The following ITFG1 variants were observed in gnomAD, a reference collection of about 807,000 sequenced individuals.
The protein encoded by ITFG1 is T-cell immunomodulatory protein.
In ITFG1, 34 loss-of-function variants were observed where a neutral mutation model predicts 81.8. The ratio of observed to expected loss-of-function variants is 0.42; its 90% CI spans 0.32 to 0.55. The LOEUF (loss-of-function observed/expected upper bound fraction) is 0.55. Ranked by LOEUF, ITFG1 falls within the 20% of genes least tolerant of loss-of-function variation. The pLI is 0.17. For synonymous variants in ITFG1, 285 were observed against 270.6 expected, an observed-to-expected ratio of 1.05 and a Z score of -0.52; for missense variants, 672 against 755.4, an observed-to-expected ratio of 0.89 and a Z score of 1.29.
In ITFG1 at chr16:47,396,524, T is replaced by TGTGTGTGTGTGTG. The variant is rs1555514103; in HGVS notation, c.656-20585_656-20584insCACACACACACAC. Among the ~76,000 whole-genome samples, 1,094 of 149,188 alleles carry TGTGTGTGTGTGTG rather than the reference T, an allele frequency of 7.3e-3. 25 individuals are homozygous for TGTGTGTGTGTGTG. Among genetic ancestry groups the TGTGTGTGTGTGTG allele is most frequent in the African/African-American group, 0.026 (1,036 of 40,264 alleles). On this transcript the variant is annotated intron_variant, in intron 6 of 17. Coordinates refer to ENST00000320640, the MANE Select transcript of ITFG1 (RefSeq NM_030790.5). ...ACAGTCTCCTAACCTAATAATTATT[T>TGTGTGTGTGTGTG]TGTGTGTGTGTGTGTGTGTGAAAGA...
intron 10 of ITFG1, chr16:47,262,999 C>G (rs972422141): frequency 5.4e-6 from 1 of 186,192 alleles, no homozygotes; most frequent in Non-Finnish European, 1.2e-5. Context: ...AACCCCTACC[C>G]GAAGCCATCA....
At chr16:47,372,633 T>C (rs1968272211) in intron 7 of ITFG1, among the ~76,000 whole-genome samples, 1 of 151,964 alleles carries the variant, frequency 6.6e-6, no homozygotes, top group Non-Finnish European at 1.5e-5. Flanking sequence ...TTTGTATTTT[T>C]AGTAGAGATG....
chr16:47,400,783 T>G (rs939673019), intron 6 of ITFG1, among the ~76,000 whole-genome samples: 1 of 152,086 alleles, frequency 6.6e-6, no homozygotes, highest in Admixed American at 6.6e-5. Flanking sequence ...GTAAGCTCCA[T>G]GTGGCGGGAG....
At chr16:47,439,478 G>T (rs1043284118) in intron 5 of ITFG1, among the ~76,000 whole-genome samples, 1 of 152,218 alleles carries the variant, frequency 6.6e-6, no homozygotes, top group Admixed American at 6.5e-5. Flanking sequence ...CAGACTAACA[G>T]CTGATCTCTC....
chr16:47,364,903 G>T (rs1968154929), intron 8 of ITFG1, among the ~76,000 whole-genome samples: 1 of 152,194 alleles, frequency 6.6e-6, no homozygotes, highest in Admixed American at 6.5e-5. Flanking sequence ...TGTTGCCCAG[G>T]ATGGACTTGA....
At position 47,247,710 on chromosome 16, in the gene ITFG1, G is replaced by A. The variant is rs114685179; in HGVS notation, c.1331-9702C>T. Among the ~76,000 whole-genome samples, 614 of 151,946 alleles carry A rather than the reference G, an allele frequency of 4.0e-3. 3 individuals carry two copies. Among genetic ancestry groups the A allele is most frequent in the African/African-American group, 0.015 (601 of 41,440 alleles). ...AAGGTTTATAAAAACCTCTAAACTG[G>A]AGTTTTTATAAACCTTATAAATTAT... On this transcript the variant is annotated intron_variant, in intron 12 of 17. Coordinates refer to ENST00000320640, the MANE Select transcript of ITFG1 (RefSeq NM_030790.5).
At chr16:47,261,365 T>A (rs1349727844) in intron 10 of ITFG1, among the ~76,000 whole-genome samples, 1 of 152,216 alleles carries the variant, frequency 6.6e-6, no homozygotes, top group Non-Finnish European at 1.5e-5. Flanking sequence ...ATAAGAGTAC[T>A]TAGAGCATAG....
intron 14 of ITFG1, chr16:47,218,377 T>A (rs1965650812): frequency 6.6e-6 from 1 of 152,162 alleles, no homozygotes; most frequent in South Asian, 2.1e-4. Flanking sequence ...CTTAATTACA[T>A]TTTCCTTTAT....
chr16:47,241,674 G>A (rs1156715943), intron 12 of ITFG1, among the ~76,000 whole-genome samples: 2 of 152,160 alleles, frequency 1.3e-5, no homozygotes, highest in African/African-American at 4.8e-5. Flanking sequence ...TGACAGACAA[G>A]GCCGGGCGCG....
chr16:47,426,499 T>C (rs1969022801), intron 6 of ITFG1, among the ~76,000 whole-genome samples: 1 of 149,100 alleles, frequency 6.7e-6, no homozygotes, highest in Admixed American at 6.8e-5. Context: ...CACCTTATTA[T>C]TGAGGTTTTC....
chr16:47,442,339 T>A (rs567580099), intron 5 of ITFG1, among the ~76,000 whole-genome samples: 7 of 152,164 alleles, frequency 4.6e-5, no homozygotes, highest in African/African-American at 1.7e-4. Flanking sequence ...ACTTTAAAGT[T>A]CATATGGAAC....
intron 10 of ITFG1, among the ~76,000 whole-genome samples, chr16:47,289,774 A>C (rs1966886746): frequency 2.0e-5 from 3 of 151,598 alleles, no homozygotes. Flanking sequence ...TGGTAAATTT[A>C]TGTTAATCTT....
chr16:47,303,227 C>T (rs1432089286), intron 10 of ITFG1, among the ~76,000 whole-genome samples: 2 of 151,922 alleles, frequency 1.3e-5, no homozygotes, highest in Non-Finnish European at 2.9e-5. Flanking sequence ...GCCGAGATCG[C>T]ACCACTGCAC....
chr16:47,240,503 AAAG>A (rs1454671352), intron 12 of ITFG1, among the ~76,000 whole-genome samples: 2 of 152,186 alleles, frequency 1.3e-5, no homozygotes, highest in East Asian at 1.9e-4. Flanking sequence ...GTATTTCTCC[AAAG>A]AAGATATACA....
At chr16:47,359,304 T>C (rs1968079935) in intron 8 of ITFG1, among the ~76,000 whole-genome samples, 1 of 152,184 alleles carries the variant, frequency 6.6e-6, no homozygotes, top group African/African-American at 2.4e-5. Flanking sequence ...CATTTTGTCT[T>C]CTAACAGACA....
chr16:47,222,431 T>G (rs1965704096), intron 13 of ITFG1, among the ~76,000 whole-genome samples: 1 of 150,134 alleles, frequency 6.7e-6, no homozygotes, highest in Admixed American at 6.6e-5. Flanking sequence ...TTTTTTTTTT[T>G]GAGACGAAGT....
chr16:47,439,832 A>G (rs1209583476), intron 5 of ITFG1, among the ~76,000 whole-genome samples: 1 of 152,326 alleles, frequency 6.6e-6, no homozygotes, highest in East Asian at 1.9e-4. Context: ...TTCACACATA[A>G]CAATACTAAC....
At chr16:47,404,067 A>G (rs1472510606) in intron 6 of ITFG1, among the ~76,000 whole-genome samples, 1 of 152,194 alleles carries the variant, frequency 6.6e-6, no homozygotes, top group Non-Finnish European at 1.5e-5. Context: ...CCCTTGAATC[A>G]TTCTGAAACC....
At chr16:47,370,603 C>T (rs186259522) in intron 7 of ITFG1, among the ~76,000 whole-genome samples, 6 of 152,342 alleles carry the variant, frequency 3.9e-5, no homozygotes, top group Middle Eastern at 3.4e-3. Flanking sequence ...CAAACGCTGG[C>T]GCCTAAGTCA....
Sources: allele counts gnomAD v4.1 joint callset (sites outside exome capture counted in the v4.1 genomes callset), GRCh38; gene constraint gnomAD v4.1.1; transcripts MANE v1.5; gene names NCBI Gene and HGNC (gene_info 2026-07-23, HGNC 2026-07-21).